CFAP65: variants seen among roughly 807,000 people sequenced by gnomAD.
CFAP65 encodes the protein cilia- and flagella-associated protein 65.
A neutral mutation model predicts 208.0 loss-of-function variants in CFAP65; 155 were observed. The observed-to-expected ratio is 0.75, with a 90% confidence interval of 0.65 to 0.85. The LOEUF is 0.85. Ranked by LOEUF, CFAP65 falls within the 40% of genes least tolerant of loss-of-function variation. CFAP65 has a pLI of 0.00. For synonymous variants in CFAP65, 970 were observed against 986.3 expected (o/e 0.98, Z 0.31); for missense variants, 2,294 against 2,451.3 (o/e 0.94, Z 1.36).
chr2:219,025,801 T>C (rs2106197862), intron 14 of CFAP65, among the ~76,000 whole-genome samples: 1 of 152,274 alleles, frequency 6.6e-6, no homozygotes, highest in African/African-American at 2.4e-5. Context: ...AGGGGCCAGC[T>C]GTCCAGGATC....
In CFAP65 at chr2:219,003,180, G is replaced by A. The variant is rs1271463397; in HGVS notation, c.5648C>T (p.Thr1883Ile). 3 of 1,547,374 alleles carry A rather than the reference G, an allele frequency of 1.9e-6. No homozygotes were observed. The highest frequency in any genetic ancestry group is 1.7e-6 in the Non-Finnish European group (2 of 1,145,086). The change falls in exon 34 of 35, where the codon ACC becomes ATC. Residue 1883 changes from threonine (T) to isoleucine (I), a missense_variant. This residue lies in a region of CFAP65 where 1,427 missense variants were observed against 1,438.7 expected (regional missense o/e 0.99). Coordinates refer to ENST00000341552, the MANE Select transcript of CFAP65 (RefSeq NM_194302.4). This position sits in a 1 kb window ranked among gnomAD's most constrained non-coding sequence, Gnocchi z 4.4. ...CAGGGCGATGACGCGTGGCCGCGAG[G>A]TGAGTACCACCTCCCCGCGGCTCGC... ...VEASRGEVVL[T>I]SRPRVIALPP...
At chr2:219,023,538 G>A (rs1335204185) in intron 15 of CFAP65, 107 bp from the exon 16 acceptor site, 1 of 755,832 alleles carries the variant, frequency 1.3e-6, no homozygotes, top group Admixed American at 2.8e-5. Context: ...ACTTGAAGCA[G>A]GCAGTCAAAG....
chr2:219,030,591 G>C, intron 9 of CFAP65, 98 bp downstream of exon 9: 1 of 1,476,294 alleles, frequency 6.8e-7, no homozygotes, highest in East Asian at 2.3e-5. Flanking sequence ...GGGGCCAAAG[G>C]CATGGAGAGA....
intron 22 of CFAP65, 43 bp downstream of exon 22, chr2:219,013,825 C>T: frequency 6.5e-7 from 1 of 1,528,868 alleles, no homozygotes; most frequent in Non-Finnish European, 8.9e-7. Flanking sequence ...GGGTAGGGGC[C>T]TCTATGACTG....
chr2:219,009,489 G>C (rs372530016), intron 27 of CFAP65, 29 bp from the exon 28 acceptor site: 2 of 1,463,220 alleles, frequency 1.4e-6, no homozygotes, highest in African/African-American at 2.8e-5. Context: ...AGTCTCTGGA[G>C]ATTCACAGGG....
rs921683058 is a variant in CFAP65, at chr2:219,032,027, C to T, written c.646-369G>A. On this transcript the variant is annotated intron_variant, in intron 6 of 34. Transcript: ENST00000341552. This position sits in a 1 kb window ranked among gnomAD's most constrained non-coding sequence, Gnocchi z 5.5. Reference sequence around the variant, plus strand: ...CAGCCGCCTCCCGGTTCAAGTGATTCTGCTGCCTCAGCCTCCCAAGTAGCT... The same window carrying T: ...CAGCCGCCTCCCGGTTCAAGTGATTTTGCTGCCTCAGCCTCCCAAGTAGCT... Among the ~76,000 whole-genome samples, 10 of 149,654 alleles carry T rather than the reference C, an allele frequency of 6.7e-5. No homozygotes were observed. The highest frequency in any genetic ancestry group is 2.5e-4 in the African/African-American group (10 of 40,688).
rs1388965591 is a variant in CFAP65, at chr2:219,027,801, A to G, written c.2060T>C (p.Val687Ala). ...GGGGCAGTCAGACCTTCGCGTCCAGACCACCATGATCTTGCCCTTGGTGTG... is the reference window on the plus strand; with the variant it reads ...GGGGCAGTCAGACCTTCGCGTCCAGGCCACCATGATCTTGCCCTTGGTGTG... ...MNHTKGKIMV[V>A]WTRRSDCPFW... is the part of the protein sequence containing the mutation. The change falls in exon 13 of 35, where the codon GTC (valine) becomes GCC (alanine). Residue 687 changes from valine (V) to alanine (A), a missense_variant. By Grantham distance (64) the Val-to-Ala change is moderately conservative. Transcript: ENST00000341552. 1.9e-6 allele frequency: 3 copies of G among 1,612,508 alleles called. No individual in the cohort carries two copies. The East Asian group carries it at 6.7e-5, about 36-fold the overall frequency.
chr2:219,003,159 G>A lies in CFAP65; in HGVS notation c.5669C>T (p.Ala1890Val). The change falls in exon 34 of 35, where the codon GCC (alanine) becomes GTC (valine). Residue 1890 changes from alanine (A) to valine (V), a missense_variant. Physicochemically the swap from Ala to Val is moderately conservative, Grantham distance 64. Transcript: ENST00000341552. This position sits in a 1 kb window ranked among gnomAD's most constrained non-coding sequence, Gnocchi z 4.4. ...CCTGGGCACGCAGAACGGCGGCAGG[G>A]CGATGACGCGTGGCCGCGAGGTGAG... ...VVLTSRPRVI[A>V]LPPFCVPRSL... The A allele has an allele frequency of 3.2e-6, 5 of 1,545,232 alleles. No homozygotes were observed. The highest frequency in any genetic ancestry group is 4.4e-6 in the Non-Finnish European group (5 of 1,143,626).
rs1253250576 is a variant in CFAP65 at position 219,010,854 on chromosome 2, G to GTGC, written c.4097_4099dup (p.Ser1366dup). On this transcript the variant is annotated inframe_insertion, in exon 25 of 35. Coordinates refer to ENST00000341552, the MANE Select transcript of CFAP65 (RefSeq NM_194302.4). Reference sequence around the variant, plus strand: ...TGAGAAGATCCACAAGACCCGGGCAGTGCTGCCTGGCTGGATCTCCCCTTT... The same window carrying GTGC: ...TGAGAAGATCCACAAGACCCGGGCAGTGCTGCTGCCTGGCTGGATCTCCCCTTT... 2 of 1,613,524 alleles carry GTGC rather than the reference G, an allele frequency of 1.2e-6. No homozygotes were observed. Among genetic ancestry groups the GTGC allele is most frequent in the Non-Finnish European group, 1.7e-6 (2 of 1,179,814 alleles).
At chr2:219,030,604 G>T in intron 9 of CFAP65, 85 bp downstream of exon 9, 1 of 1,524,866 alleles carries the variant, frequency 6.6e-7, no homozygotes, top group South Asian at 1.2e-5. Context: ...TGGAGAGAAA[G>T]GGGGGGCATT....
At chr2:219,012,971 T>C (rs1435291121) in intron 24 of CFAP65, among the ~76,000 whole-genome samples, 3 of 152,230 alleles carry the variant, frequency 2.0e-5, no homozygotes, top group Non-Finnish European at 4.4e-5. Flanking sequence ...TATATTAGTA[T>C]GGTTCATGGT....
At chr2:219,028,060 G>A (rs761924670) in intron 12 of CFAP65, 51 bp from the exon 13 acceptor site, 2 of 1,522,654 alleles carry the variant, frequency 1.3e-6, no homozygotes, top group Admixed American at 2.1e-5. Context: ...TCCTCTTGCT[G>A]TTGCCCCTCC....
intron 31 of CFAP65, 73 bp downstream of exon 31, chr2:219,005,948 G>A: frequency 6.8e-7 from 1 of 1,475,686 alleles, no homozygotes; most frequent in South Asian, 1.2e-5. Context: ...TTGGGTCTGG[G>A]CAGCCCCTGC....
intron 24 of CFAP65, among the ~76,000 whole-genome samples, 161 bp from the exon 25 acceptor site, chr2:219,011,157 A>G (rs945376388): frequency 6.6e-6 from 1 of 152,004 alleles, no homozygotes; most frequent in East Asian, 1.9e-4. Context: ...GAAGTATGTA[A>G]CTGTATGGTC....
chr2:219,032,589 G>A lies in CFAP65; in HGVS notation c.543-17C>T. ...TTGGGGGGCCTGCAGGAGAGAGCCG[G>A]TGGGGAGCACCTCAGATCAGGGCTC... On this transcript the variant is annotated splice_polypyrimidine_tract_variant and intron_variant, in intron 5 of 34. Coordinates refer to ENST00000341552, the MANE Select transcript of CFAP65 (RefSeq NM_194302.4). The surrounding 1 kb of genome is among the most constrained non-coding windows in gnomAD (Gnocchi z 5.5). 1.3e-6 allele frequency: 2 copies of A among 1,575,740 alleles called. No individual in the cohort carries two copies. Among genetic ancestry groups the A allele is most frequent in the East Asian group, 4.6e-5 (2 of 43,030 alleles).
In CFAP65 at chr2:219,006,181, C is replaced by G; in HGVS notation, c.4762G>C (p.Ala1588Pro). The G allele has an allele frequency of 6.2e-7, 1 of 1,611,370 alleles. No homozygotes were observed. Among genetic ancestry groups the G allele is most frequent in the Non-Finnish European group, 8.5e-7 (1 of 1,178,116 alleles). Residue 1588 changes from alanine (A) to proline (P), a missense_variant, in exon 31 of 35, where the codon GCC becomes CCC. By Grantham distance (27) the Ala-to-Pro change is conservative (BLOSUM62 -1). This residue lies in a region of CFAP65 where 1,427 missense variants were observed against 1,438.7 expected (regional missense o/e 0.99). Coordinates refer to ENST00000341552, the MANE Select transcript of CFAP65 (RefSeq NM_194302.4). ...TTTGGGGTCTGCAGTTTCCAGCTGG[C>G]AGGCCGGCTGACAGACTGCTGGTTC... is the stretch of plus-strand genomic sequence containing the variant. ...IKNQQSVSRP[A>P]SWKLQTPKEE...
intron 15 of CFAP65, 149 bp from the exon 16 acceptor site, chr2:219,023,580 T>C (rs974205248): frequency 4.7e-6 from 3 of 641,470 alleles, no homozygotes; most frequent in Non-Finnish European, 8.3e-6. Flanking sequence ...CGGCAGTTTC[T>C]GTCAAAAGCA....
Position 219,003,270 on chromosome 2 carries a change from AGCCTG to A in CFAP65, c.5556-3_5557del. Reference sequence around the variant, plus strand: ...CTCCTGCAGGTTGGCGAAGGCCGGGAGCCTGCGAGGGGGCGGGGGCTAGCATGAGG... The same window carrying A: ...CTCCTGCAGGTTGGCGAAGGCCGGGACGAGGGGGCGGGGGCTAGCATGAGG... On this transcript the variant is annotated splice_acceptor_variant and splice_polypyrimidine_tract_variant and coding_sequence_variant and intron_variant, in exon 34 of 35. Transcript: ENST00000341552. LOFTEE classifies it high-confidence loss of function. The surrounding 1 kb of genome is among the most constrained non-coding windows in gnomAD (Gnocchi z 4.4). 6.5e-7 allele frequency: 1 copy of A among 1,535,584 alleles called. No homozygotes were observed. Among genetic ancestry groups the A allele is most frequent in the Non-Finnish European group, 8.8e-7 (1 of 1,139,730 alleles).
At chr2:219,019,244 T>C in intron 20 of CFAP65, 65 bp from the exon 21 acceptor site, 1 of 1,531,222 alleles carries the variant, frequency 6.5e-7, no homozygotes, top group Non-Finnish European at 8.8e-7. Context: ...CTCCCAGGGA[T>C]GGCTGGCTTG....
Sources: allele counts gnomAD v4.1 joint callset (sites outside exome capture counted in the v4.1 genomes callset), GRCh38; gene constraint gnomAD v4.1.1; regional missense constraint gnomAD v4.1.1; non-coding constraint Gnocchi (gnomAD v3.1); transcripts MANE v1.5; gene names NCBI Gene and HGNC (gene_info 2026-07-23, HGNC 2026-07-21).